EPB41: variants seen among roughly 807,000 people sequenced by gnomAD.
The protein encoded by EPB41 is protein 4.1.
EPB41 carries 65 observed loss-of-function variants against 108.0 expected under a neutral mutation model. The observed-to-expected ratio is 0.60, with a 90% confidence interval of 0.49 to 0.74. EPB41 has a LOEUF of 0.74. Among genes scored for constraint, EPB41 ranks in the 30% least tolerant of loss-of-function variants. The pLI, the probability that EPB41 is intolerant of heterozygous loss-of-function variation, is 0.00. For synonymous variants in EPB41, 336 were observed against 358.9 expected (o/e 0.94, Z 0.72); for missense variants, 875 against 1,037.0 (o/e 0.84, Z 2.15).
chr1:29,060,307 G>A (rs911147136), intron 14 of EPB41, 115 bp from the exon 15 acceptor site: 26 of 811,996 alleles, frequency 3.2e-5, no homozygotes, highest in South Asian at 5.8e-5. Context: ...CATATGCTGC[G>A]CTGTGGACAT....
intron 20 of EPB41, among the ~76,000 whole-genome samples, 177 bp from the exon 21 acceptor site, chr1:29,116,642 A>G (rs1671048497): frequency 6.6e-6 from 1 of 152,190 alleles, no homozygotes. Context: ...AGATAAATTC[A>G]TGCCTAAAAG....
chr1:29,008,993 C>T (rs2149876904), intron 4 of EPB41, among the ~76,000 whole-genome samples: 1 of 152,340 alleles, frequency 6.6e-6, no homozygotes, highest in East Asian at 1.9e-4. Flanking sequence ...GTCCTCTGTG[C>T]TCTCAGAATA....
At chr1:28,967,128 C>T (rs1394710222) in intron 1 of EPB41, among the ~76,000 whole-genome samples, 7 of 146,960 alleles carry the variant, frequency 4.8e-5, no homozygotes, top group Non-Finnish European at 8.9e-5. Context: ...AAGCGATTCT[C>T]CTGCCTCAGC....
At chr1:29,087,087 G>A (rs767970525) in intron 16 of EPB41, among the ~76,000 whole-genome samples, 7 of 151,344 alleles carry the variant, frequency 4.6e-5, no homozygotes, top group Admixed American at 2.6e-4. Context: ...AACTACAGGC[G>A]CCCGCCACCA....
At chr1:29,058,410 C>CAG (rs1645922267) in intron 12 of EPB41, among the ~76,000 whole-genome samples, 179 bp from the exon 13 acceptor site, 1 of 152,118 alleles carries the variant, frequency 6.6e-6, no homozygotes, top group Admixed American at 6.5e-5. Flanking sequence ...ATGGTAAACA[C>CAG]AGATGACTTT....
chr1:29,068,831 G>A, intron 16 of EPB41: 1 of 1,210,914 alleles, frequency 8.3e-7, no homozygotes, highest in Non-Finnish European at 1.0e-6. Flanking sequence ...ATTTGCTCTT[G>A]TCATGGCACT....
intron 4 of EPB41, among the ~76,000 whole-genome samples, chr1:28,997,676 A>C (rs1429611821): frequency 6.6e-6 from 1 of 152,070 alleles, no homozygotes; most frequent in African/African-American, 2.4e-5. Flanking sequence ...ATATTTGTTG[A>C]ATGGATGATC....
At chr1:28,970,898 A>G (rs1429952043) in intron 1 of EPB41, among the ~76,000 whole-genome samples, 1 of 151,850 alleles carries the variant, frequency 6.6e-6, no homozygotes, top group African/African-American at 2.4e-5. Flanking sequence ...GCCCAGGCTG[A>G]GTGCAAAGGT....
chr1:29,075,641 T>A (rs2151172434), intron 16 of EPB41, among the ~76,000 whole-genome samples: 1 of 152,312 alleles, frequency 6.6e-6, no homozygotes, highest in East Asian at 1.9e-4. Flanking sequence ...CAAAGGCAGG[T>A]GAGCCTCTCA....
chr1:29,096,246 C>G, intron 16 of EPB41: 2 of 985,842 alleles, frequency 2.0e-6, no homozygotes, highest in Non-Finnish European at 1.2e-6. Flanking sequence ...CCCAAGCATT[C>G]GGTAGTTCCT....
intron 1 of EPB41, among the ~76,000 whole-genome samples, chr1:28,984,539 T>C (rs895526531): frequency 6.6e-6 from 1 of 152,208 alleles, no homozygotes; most frequent in African/African-American, 2.4e-5. Flanking sequence ...ATTTGTTGAA[T>C]GAATCAATTA....
chr1:29,012,804 A>G (rs1472813779), intron 5 of EPB41, among the ~76,000 whole-genome samples: 2 of 152,338 alleles, frequency 1.3e-5, no homozygotes, highest in Non-Finnish European at 2.9e-5. Flanking sequence ...GGAAGAAACA[A>G]AATACTCTTT....
intron 1 of EPB41, among the ~76,000 whole-genome samples, chr1:28,890,087 G>C (rs1029539613): frequency 1.3e-5 from 2 of 151,800 alleles, no homozygotes; most frequent in African/African-American, 4.8e-5. Context: ...GCCCAGGCTG[G>C]AGTGCAGTGG....
chr1:29,050,966 C>A (rs112646071), intron 11 of EPB41, among the ~76,000 whole-genome samples: 4 of 151,500 alleles, frequency 2.6e-5, no homozygotes, highest in African/African-American at 9.7e-5. Context: ...TGAGCCACCA[C>A]GCCTGGCTGA....
At chr1:28,973,295 C>G (rs2095532900) in intron 1 of EPB41, among the ~76,000 whole-genome samples, 1 of 152,124 alleles carries the variant, frequency 6.6e-6, no homozygotes, top group South Asian at 2.1e-4. Flanking sequence ...ATAATATAGC[C>G]CTTCTCTGGT....
At position 29,115,874 on chromosome 1, in the gene EPB41, C is replaced by T. The variant is rs914749610; in HGVS notation, c.*6+71C>T. On this transcript the variant is annotated intron_variant, in intron 20 of 20. Coordinates refer to ENST00000343067, the MANE Select transcript of EPB41 (RefSeq NM_001376013.1). The surrounding 1 kb of genome is among the most constrained non-coding windows in gnomAD (Gnocchi z 4.4). ...CTGAGAGGGCTCTGGATGGGACCCT[C>T]GGACACACTGGGAGCCCATCCCCAC... is the stretch of plus-strand genomic sequence containing the variant. 9.1e-6 allele frequency: 11 copies of T among 1,209,970 alleles called. No homozygotes were observed. The highest frequency in any genetic ancestry group is 2.3e-4 in the Middle Eastern group (1 of 4,326). 75.0% of individuals were successfully genotyped at this position (1,209,970 alleles called of 1,614,324 possible).
At chr1:28,992,586 G>A (rs1312600668) in intron 2 of EPB41, among the ~76,000 whole-genome samples, 1 of 152,146 alleles carries the variant, frequency 6.6e-6, no homozygotes. Flanking sequence ...CTATTCAGGA[G>A]GCCCAGGCAG....
In EPB41 at chr1:29,097,593, C is replaced by T. The variant is rs988485307; in HGVS notation, c.2185-214C>T. 6.7e-6 allele frequency: 4 copies of T among 594,260 alleles called. No individual in the cohort carries two copies. The Middle Eastern group carries it at 1.9e-3, about 276-fold the overall frequency. 36.8% of individuals were successfully genotyped at this position (594,260 alleles called of 1,614,324 possible). A position where few individuals can be genotyped will look rare whatever the true frequency, so the allele number is the denominator to read the frequency against. ...TCCATTAAGCTTATGAAAGTGATTA[C>T]AGTAATGCTGCTTTTTAATATCCCT... On this transcript the variant is annotated intron_variant, in intron 16 of 20. Coordinates refer to ENST00000343067, the MANE Select transcript of EPB41 (RefSeq NM_001376013.1).
chr1:29,068,024 G>T (rs1454168444), intron 16 of EPB41, among the ~76,000 whole-genome samples: 1 of 152,148 alleles, frequency 6.6e-6, no homozygotes, highest in Non-Finnish European at 1.5e-5. Context: ...GTCATAAAGG[G>T]TCTAGTATTT....
Sources: allele counts gnomAD v4.1 joint callset (sites outside exome capture counted in the v4.1 genomes callset), GRCh38; gene constraint gnomAD v4.1.1; non-coding constraint Gnocchi (gnomAD v3.1); transcripts MANE v1.5; gene names NCBI Gene and HGNC (gene_info 2026-07-23, HGNC 2026-07-21).